Variants in PIWIL2 observed in about 807,000 individuals in gnomAD.
The protein encoded by PIWIL2 is piwi like RNA-mediated gene silencing 2, also known as piwi-like protein 2.
In PIWIL2, 81 loss-of-function variants were observed where a neutral mutation model predicts 116.5. The ratio of observed to expected loss-of-function variants is 0.70; its 90% CI spans 0.58 to 0.84. PIWIL2 has a LOEUF of 0.84. Ranked by LOEUF, PIWIL2 falls within the 40% of genes least tolerant of loss-of-function variation. The probability of loss-of-function intolerance (pLI) is 0.00; values close to 1 mark genes in which losing one functional copy is unlikely to be tolerated. For synonymous variants in PIWIL2, 489 were observed against 429.5 expected (o/e 1.14, Z -1.71); for missense variants, 1,272 against 1,212.3 (o/e 1.05, Z -0.73).
intron 20 of PIWIL2, among the ~76,000 whole-genome samples, chr8:22,328,151 G>A (rs748539184): frequency 2.0e-5 from 3 of 151,816 alleles, no homozygotes; most frequent in South Asian, 2.1e-4. Flanking sequence ...TTATTCTTTC[G>A]CATCTGGATA....
At chr8:22,345,067 A>G (rs1364468985) in intron 20 of PIWIL2, among the ~76,000 whole-genome samples, 2 of 152,190 alleles carry the variant, frequency 1.3e-5, no homozygotes, top group Non-Finnish European at 2.9e-5. Flanking sequence ...GGTCCCAGCT[A>G]CTCTTAAAGA....
At chr8:22,287,404 A>G in intron 6 of PIWIL2, 124 bp from the exon 7 acceptor site, 2 of 722,744 alleles carry the variant, frequency 2.8e-6, no homozygotes, top group East Asian at 2.5e-5. Context: ...AGGCAGATAG[A>G]TAATTTTTAA....
intron 20 of PIWIL2, among the ~76,000 whole-genome samples, chr8:22,340,179 A>G (rs539292769): frequency 8.4e-4 from 123 of 147,188 alleles, no homozygotes; most frequent in African/African-American, 2.8e-3. Context: ...CAGCCTCCCA[A>G]GTAGCTGGGA....
chr8:22,313,575 A>G (rs115687157), intron 16 of PIWIL2, among the ~76,000 whole-genome samples: 74 of 152,280 alleles, frequency 4.9e-4, no homozygotes, highest in South Asian at 3.5e-3. Context: ...TCGTTGCTCA[A>G]TGTGTCCTCT....
chr8:22,318,315 GT>G, intron 20 of PIWIL2, 40 bp downstream of exon 20: 1 of 1,186,348 alleles, frequency 8.4e-7, no homozygotes, highest in Admixed American at 2.1e-5. Context: ...GGGGTTTTTT[GT>G]TTTTTTATTT....
chr8:22,309,806 C>G (rs957976409), intron 14 of PIWIL2, among the ~76,000 whole-genome samples, 155 bp from the exon 15 acceptor site: 1 of 152,172 alleles, frequency 6.6e-6, no homozygotes, highest in Non-Finnish European at 1.5e-5. Flanking sequence ...CAGGGACTTT[C>G]ACTGCTAGAA....
chr8:22,351,814 C>G (rs1329103826), intron 20 of PIWIL2, among the ~76,000 whole-genome samples: 1 of 151,552 alleles, frequency 6.6e-6, no homozygotes, highest in Non-Finnish European at 1.5e-5. Flanking sequence ...GCTGGGATTA[C>G]AGGCGTGACC....
In PIWIL2 at chr8:22,288,625, C is replaced by A; in HGVS notation, c.945C>A (p.Cys315Ter). The A allele has an allele frequency of 6.2e-7, 1 of 1,613,618 alleles. No homozygotes were observed. The highest frequency in any genetic ancestry group is 8.5e-7 in the Non-Finnish European group (1 of 1,179,554). The part of the protein sequence containing the change: ...KIQMTKILEP[C>*]SDLCIPFYNV... ...AGATGACAAAGATCCTGGAGCCCTGCTCTGACCTGTGCATTCCCTTCTACA... is the reference window on the plus strand; with the variant it reads ...AGATGACAAAGATCCTGGAGCCCTGATCTGACCTGTGCATTCCCTTCTACA... Residue 315 changes from cysteine (C) to a stop codon, truncating the protein, a stop_gained, in exon 8 of 23, where the codon TGC becomes TGA. Transcript: ENST00000356766. LOFTEE classifies it high-confidence loss of function.
intron 6 of PIWIL2, 81 bp from the exon 7 acceptor site, chr8:22,287,447 T>G: frequency 1.1e-6 from 1 of 875,060 alleles, no homozygotes; most frequent in South Asian, 1.3e-5. Context: ...AGTTACTGGG[T>G]AACTAGCACC....
chr8:22,353,863 C>A (rs150849710), intron 21 of PIWIL2, among the ~76,000 whole-genome samples: 84 of 146,658 alleles, frequency 5.7e-4, no homozygotes, highest in Admixed American at 1.0e-3. Flanking sequence ...CAGCCTCAAC[C>A]TGCTTAGGCC....
intron 20 of PIWIL2, among the ~76,000 whole-genome samples, chr8:22,337,595 G>A (rs1832008545): frequency 2.0e-5 from 3 of 151,586 alleles, no homozygotes; most frequent in African/African-American, 7.3e-5. Flanking sequence ...GCTGGGCGTG[G>A]TGGTGCATGC....
intron 10 of PIWIL2, among the ~76,000 whole-genome samples, chr8:22,298,756 T>C (rs1830973435): frequency 1.3e-5 from 2 of 152,206 alleles, no homozygotes; most frequent in South Asian, 4.1e-4. Flanking sequence ...TTCTATAGAA[T>C]ATTTGAGAAG....
intron 20 of PIWIL2, among the ~76,000 whole-genome samples, chr8:22,340,698 A>T (rs1832087710): frequency 6.6e-6 from 1 of 152,086 alleles, no homozygotes; most frequent in Non-Finnish European, 1.5e-5. Context: ...ACAGACAAGG[A>T]AAGATTTTTT....
chr8:22,281,239 G>A, intron 3 of PIWIL2, 32 bp downstream of exon 3: 1 of 1,557,978 alleles, frequency 6.4e-7, no homozygotes, highest in Non-Finnish European at 8.8e-7. Context: ...GAAATTTGGT[G>A]GTATGTATGA....
At chr8:22,299,599 T>A (rs1391018613) in intron 10 of PIWIL2, among the ~76,000 whole-genome samples, 1 of 152,232 alleles carries the variant, frequency 6.6e-6, no homozygotes, top group Non-Finnish European at 1.5e-5. Flanking sequence ...TTTATTCTGT[T>A]CCATTAATTT....
At chr8:22,309,935 T>TCATAGATGGTTTATTTTCTGTTTA (rs759893866) in intron 14 of PIWIL2, 26 bp from the exon 15 acceptor site, 2 of 1,371,694 alleles carry the variant, frequency 1.5e-6, no homozygotes, top group Non-Finnish European at 2.1e-6. Flanking sequence ...AAGGCTCATG[T>TCATAGATGGTTTATTTTCTGTTTA]CATAGATGGT....
At chr8:22,321,391 G>T (rs547119517) in intron 20 of PIWIL2, among the ~76,000 whole-genome samples, 1 of 152,298 alleles carries the variant, frequency 6.6e-6, no homozygotes, top group South Asian at 2.1e-4. Context: ...GGGATTACGG[G>T]CATGAGCCAC....
chr8:22,316,082 T>TA (rs1012694639), intron 18 of PIWIL2, among the ~76,000 whole-genome samples, 163 bp from the exon 19 acceptor site: 4 of 152,200 alleles, frequency 2.6e-5, no homozygotes, highest in African/African-American at 9.6e-5. Context: ...TTATTGTGTT[T>TA]AAAAAATGTC....
Position 22,303,495 on chromosome 8 carries a change from C to T in PIWIL2, c.1182-526C>T, listed in dbSNP as rs537356403. On this transcript the variant is annotated intron_variant, in intron 10 of 22. Coordinates refer to ENST00000356766, the MANE Select transcript of PIWIL2 (RefSeq NM_018068.5). The stretch of plus-strand genomic sequence containing the variant: ...TAGCCTCAAACTCCTGGGTTCAAGC[C>T]GTCTTCCCACCTCCCTCAGTCTCTG... 3.3e-5 allele frequency among the ~76,000 whole-genome samples: 5 copies of T among 152,138 alleles called. No homozygotes were observed. In the South Asian group the frequency reaches 8.3e-4, roughly 25 times the overall value.
Sources: allele counts gnomAD v4.1 joint callset (sites outside exome capture counted in the v4.1 genomes callset), GRCh38; gene constraint gnomAD v4.1.1; transcripts MANE v1.5; gene names NCBI Gene and HGNC (gene_info 2026-07-23, HGNC 2026-07-21).